The following CDCA2 variants were observed in gnomAD, a reference collection of about 807,000 sequenced individuals.
The protein encoded by CDCA2 is cell division cycle-associated protein 2.
In CDCA2, 44 loss-of-function variants were observed where a neutral mutation model predicts 67.0. That is an observed-to-expected ratio of 0.66 (90% confidence interval 0.52 to 0.84). CDCA2 has a LOEUF of 0.84. Among genes scored for constraint, CDCA2 ranks in the 40% least tolerant of loss-of-function variants. The pLI is 0.00. For synonymous variants in CDCA2, 447 were observed against 418.7 expected (o/e 1.07, Z -0.82); for missense variants, 1,253 against 1,203.2 (o/e 1.04, Z -0.61).
chr8:25,475,908 AG>A, intron 7 of CDCA2, among the ~76,000 whole-genome samples: 1 of 152,298 alleles, frequency 6.6e-6, no homozygotes, highest in South Asian at 2.1e-4. Context: ...GGGACAAGAC[AG>A]GAGTGCAGCT....
chr8:25,460,296 T>C lies in CDCA2; in HGVS notation c.57T>C (p.Asn19=). ...AAACCAAGGAGTCTGCAATGAATAA[T>C]GCTGGTATGTGATGATCTGCCTCCT... ...PPETKESAMN[N]AGNASFILGT... is the part of the protein sequence containing the mutation. The change falls in exon 2 of 15, where the codon AAT becomes AAC. Residue 19 remains asparagine, a synonymous_variant. Transcript: ENST00000330560. The C allele has an allele frequency of 3.7e-6, 6 of 1,614,176 alleles. No homozygotes were observed. Among genetic ancestry groups the C allele is most frequent in the Non-Finnish European group, 5.1e-6 (6 of 1,180,004 alleles).
chr8:25,466,812 A>C (rs965059719), intron 5 of CDCA2, among the ~76,000 whole-genome samples: 1 of 151,824 alleles, frequency 6.6e-6, no homozygotes, highest in African/African-American at 2.4e-5. Flanking sequence ...GGAGGCTGAG[A>C]CGGGAGGATC....
chr8:25,459,041 G>C (rs1204691580), upstream of CDCA2: 3 of 152,322 alleles, frequency 2.0e-5, no homozygotes, highest in Non-Finnish European at 4.4e-5. Flanking sequence ...GTAGTCCTCG[G>C]GTTGACTGCA....
At chr8:25,467,057 A>AAC (rs1563260950) in intron 5 of CDCA2, among the ~76,000 whole-genome samples, 1 of 141,716 alleles carries the variant, frequency 7.1e-6, no homozygotes, top group African/African-American at 2.8e-5. Context: ...AAAAAAAAAA[A>AAC]AAAAAAAAAC....
At chr8:25,480,333 A>C (rs1437651041) in intron 8 of CDCA2, among the ~76,000 whole-genome samples, 1 of 152,166 alleles carries the variant, frequency 6.6e-6, no homozygotes, top group Non-Finnish European at 1.5e-5. Context: ...TATCGTATAT[A>C]GCATGCAGAA....
Position 25,462,035 on chromosome 8 carries a change from T to G in CDCA2, c.233-19T>G, listed in dbSNP as rs1170344689. 1 of 1,609,034 alleles carries G rather than the reference T, an allele frequency of 6.2e-7. No homozygotes were observed. Among genetic ancestry groups the G allele is most frequent in the Admixed American group, 1.7e-5 (1 of 59,840 alleles). On this transcript the variant is annotated intron_variant, in intron 3 of 14. Transcript: ENST00000330560. ...GATTGCCTTGTTTTGTTCCAATTTA[T>G]AAGAGAGTTTCATTACAGGAAAGTC...
chr8:25,498,463 C>A (rs141556281), intron 13 of CDCA2, among the ~76,000 whole-genome samples: 3,732 of 125,894 alleles, frequency 0.03, 273 homozygotes, highest in African/African-American at 0.098. Flanking sequence ...ACCCCCCCCC[C>A]GCCCCCCAGG....
intron 7 of CDCA2, among the ~76,000 whole-genome samples, chr8:25,477,877 A>T (rs1259330665): frequency 6.6e-6 from 1 of 150,760 alleles, no homozygotes; most frequent in African/African-American, 2.4e-5. Flanking sequence ...CATTCACCTC[A>T]TTGCTGTATC....
At position 25,460,469 on chromosome 8, in the gene CDCA2, T is replaced by C. The variant is rs1234061805; in HGVS notation, c.147T>C (p.Asp49=). Residue 49 remains aspartate (D), a synonymous_variant, in exon 3 of 15, where the codon GAT becomes GAC. Transcript: ENST00000330560. ...TACCTCCTAATCCTTGCACACCAGATACTTTTAAATCACCTTTGAACTTTT... is the reference window on the plus strand; with the variant it reads ...TACCTCCTAATCCTTGCACACCAGACACTTTTAAATCACCTTTGAACTTTT... ...AELPPNPCTP[D]TFKSPLNFST... is the part of the protein sequence containing the mutation. The C allele has an allele frequency of 1.9e-6, 3 of 1,614,082 alleles. No individual in the cohort carries two copies. The highest frequency in any genetic ancestry group is 1.7e-5 in the Admixed American group (1 of 59,994).
chr8:25,487,292 T>C lies in CDCA2; in HGVS notation c.1491T>C (p.Ser497=), dbSNP rs1803815386. The change falls in exon 12 of 15, where the codon TCT becomes TCC. Residue 497 remains serine, a synonymous_variant. Coordinates refer to ENST00000330560, the MANE Select transcript of CDCA2 (RefSeq NM_152562.4). ...CAAATAACCATGAGAAAATATCCTC[T>C]CCTAAAGTTGGTAGAATAACAAGGA... ...SSSNNHEKIS[S]PKVGRITRTS... is the part of the protein sequence containing the mutation. 1 of 1,610,682 alleles carries C rather than the reference T, an allele frequency of 6.2e-7. No individual in the cohort carries two copies. Among genetic ancestry groups the C allele is most frequent in the African/African-American group, 1.3e-5 (1 of 74,834 alleles).
At position 25,507,510 on chromosome 8, in the gene CDCA2, G is replaced by A. The variant is rs115603747; in HGVS notation, c.2844G>A (p.Pro948=). 27 of 1,613,720 alleles carry A rather than the reference G, an allele frequency of 1.7e-5. No homozygotes were observed. In the African/African-American group the frequency reaches 2.7e-4, roughly 16 times the overall value. ...AAACTGTGTCCTCCAGACAAAAACC[G>A]CAGATGGCACCTCCCGTCTCAGATC... ...IKETVSSRQK[P]QMAPPVSDPE... The change falls in exon 15 of 15, where the codon CCG becomes CCA. Residue 948 remains proline (P), a synonymous_variant. Transcript: ENST00000330560.
intron 13 of CDCA2, among the ~76,000 whole-genome samples, chr8:25,489,268 A>C (rs1803908601): frequency 6.6e-6 from 1 of 152,008 alleles, no homozygotes; most frequent in Non-Finnish European, 1.5e-5. Flanking sequence ...CCATTCTTAC[A>C]ACTTGTTACT....
intron 7 of CDCA2, among the ~76,000 whole-genome samples, chr8:25,477,226 C>G (rs1803386445): frequency 6.6e-6 from 1 of 152,194 alleles, no homozygotes; most frequent in Non-Finnish European, 1.5e-5. Flanking sequence ...ATATAGACAT[C>G]TACAACCAGG....
At chr8:25,497,556 G>C (rs542406389) in intron 13 of CDCA2, among the ~76,000 whole-genome samples, 15 of 150,880 alleles carry the variant, frequency 9.9e-5, no homozygotes, top group Admixed American at 1.3e-4. Flanking sequence ...TGGTTGTCAG[G>C]GGGGCTAGTG....
chr8:25,491,876 C>G (rs910618808), intron 13 of CDCA2, among the ~76,000 whole-genome samples: 13 of 152,034 alleles, frequency 8.6e-5, no homozygotes, highest in Non-Finnish European at 1.9e-4. Context: ...TGGCTCACCA[C>G]AACCTCCACC....
intron 14 of CDCA2, among the ~76,000 whole-genome samples, chr8:25,505,986 G>A (rs537465687): frequency 6.6e-6 from 1 of 152,282 alleles, no homozygotes; most frequent in Non-Finnish European, 1.5e-5. Flanking sequence ...TCGGAGTACA[G>A]TGCACTTTAT....
intron 13 of CDCA2, among the ~76,000 whole-genome samples, chr8:25,496,867 T>C (rs1400570722): frequency 6.6e-6 from 1 of 152,182 alleles, no homozygotes; most frequent in Admixed American, 6.5e-5. Flanking sequence ...ACTGAATCTC[T>C]AAACAAAATG....
chr8:25,460,133 A>G (rs538508493), intron 1 of CDCA2, 107 bp from the exon 2 acceptor site: 27 of 1,046,928 alleles, frequency 2.6e-5, no homozygotes, highest in African/African-American at 4.8e-5. Context: ...GTGTGTTTCT[A>G]TGCCAGTATG....
rs139294981 is a variant in CDCA2 at position 25,467,948 on chromosome 8, T to C, written c.539-269T>C. 8.7e-3 allele frequency among the ~76,000 whole-genome samples: 1,325 copies of C among 151,804 alleles called. 21 individuals carry two copies. Among genetic ancestry groups the C allele is most frequent in the African/African-American group, 0.03 (1,237 of 41,414 alleles). Reference sequence around the variant, plus strand: ...GCCTGACCAACGTGGTGAAACCCCATCTCTACTAAATATACGAAGATTAGC... The same window carrying C: ...GCCTGACCAACGTGGTGAAACCCCACCTCTACTAAATATACGAAGATTAGC... On this transcript the variant is annotated intron_variant, in intron 5 of 14. Coordinates refer to ENST00000330560, the MANE Select transcript of CDCA2 (RefSeq NM_152562.4).
Sources: allele counts gnomAD v4.1 joint callset (sites outside exome capture counted in the v4.1 genomes callset), GRCh38; gene constraint gnomAD v4.1.1; transcripts MANE v1.5; gene names NCBI Gene and HGNC (gene_info 2026-07-23, HGNC 2026-07-21).